MEI4: variants seen among roughly 807,000 people sequenced by gnomAD.
MEI4 encodes meiosis-specific protein MEI4.
A neutral mutation model predicts 31.4 loss-of-function variants in MEI4; 27 were observed. The observed-to-expected ratio is 0.86, with a 90% CI of 0.63 to 1.19. The LOEUF is 1.19. Among genes scored for constraint, MEI4 ranks in the 50% most tolerant of loss-of-function variants. The pLI is 0.00. For missense variants in MEI4, 329 were observed against 398.9 expected (o/e 0.82, Z 1.49); for synonymous variants, 122 against 145.4 (o/e 0.84, Z 1.16).
chr6:77,788,027 G>T (rs1460478003), intron 3 of MEI4, among the ~76,000 whole-genome samples: 2 of 152,152 alleles, frequency 1.3e-5, no homozygotes, highest in Non-Finnish European at 2.9e-5. Context: ...AAATGAGTTA[G>T]GGAGGATTCC....
intron 3 of MEI4, among the ~76,000 whole-genome samples, chr6:77,819,526 AG>A (rs945674254): frequency 2.0e-5 from 3 of 152,190 alleles, no homozygotes; most frequent in African/African-American, 7.2e-5. Flanking sequence ...TAATCTGATT[AG>A]GATGTTATAA....
At chr6:77,742,098 A>G (rs1404370406) in intron 2 of MEI4, among the ~76,000 whole-genome samples, 3 of 152,098 alleles carry the variant, frequency 2.0e-5, no homozygotes, top group African/African-American at 7.2e-5. Context: ...ATGTGTCTTT[A>G]TAGCAGCATG....
chr6:77,909,961 A>G lies in MEI4; in HGVS notation c.901-13128A>G, dbSNP rs1052526162. Among the ~76,000 whole-genome samples, 63 of 152,346 alleles carry G rather than the reference A, an allele frequency of 4.1e-4. 1 individual carries two copies. The highest frequency in any genetic ancestry group is 4.1e-4 in the South Asian group (2 of 4,828). ...AAATAGAACCAAAGACAAAAACCACATGATTATCTCAATAGATGCAGAAAA... is the reference window on the plus strand; with the variant it reads ...AAATAGAACCAAAGACAAAAACCACGTGATTATCTCAATAGATGCAGAAAA... On this transcript the variant is annotated intron_variant, in intron 4 of 4. Coordinates refer to ENST00000684080, the MANE Select transcript of MEI4 (RefSeq NM_001322247.2).
rs77212104 is a variant in MEI4, at chr6:77,856,199, G to A, written c.900+27137G>A. On this transcript the variant is annotated intron_variant, in intron 4 of 4. Coordinates refer to ENST00000684080, the MANE Select transcript of MEI4 (RefSeq NM_001322247.2). ...TGAACAAGCTCTAATGAACCGGCCCGTCTGCCTTTTCAGCCTCATCTCCCA... is the reference window on the plus strand; with the variant it reads ...TGAACAAGCTCTAATGAACCGGCCCATCTGCCTTTTCAGCCTCATCTCCCA... 9.6e-3 allele frequency among the ~76,000 whole-genome samples: 1,450 copies of A among 151,754 alleles called. 18 individuals carry two copies. The highest frequency in any genetic ancestry group is 0.033 in the African/African-American group (1,347 of 41,138).
At chr6:77,788,691 T>G (rs1478988631) in intron 3 of MEI4, among the ~76,000 whole-genome samples, 3 of 152,050 alleles carry the variant, frequency 2.0e-5, no homozygotes, top group African/African-American at 4.8e-5. Flanking sequence ...GAATCCAACT[T>G]ACAAGGTATG....
At chr6:77,915,602 C>T (rs1207526921) in intron 4 of MEI4, among the ~76,000 whole-genome samples, 2 of 151,936 alleles carry the variant, frequency 1.3e-5, no homozygotes, top group Admixed American at 6.6e-5. Context: ...ATAAGTATTA[C>T]TACATGTATC....
intron 3 of MEI4, among the ~76,000 whole-genome samples, chr6:77,766,139 A>C (rs1378683775): frequency 6.6e-6 from 1 of 152,194 alleles, no homozygotes; most frequent in Non-Finnish European, 1.5e-5. Flanking sequence ...CCAGTTGACC[A>C]ATGAGCTTAG....
chr6:77,855,637 A>C (rs1040379889), intron 4 of MEI4, among the ~76,000 whole-genome samples: 12 of 152,228 alleles, frequency 7.9e-5, no homozygotes, highest in Non-Finnish European at 1.8e-4. Flanking sequence ...AGAAAAGTCT[A>C]ACCCCTTCTG....
chr6:77,904,269 A>G (rs910787895), intron 4 of MEI4, among the ~76,000 whole-genome samples: 3 of 152,154 alleles, frequency 2.0e-5, no homozygotes, highest in African/African-American at 7.2e-5. Flanking sequence ...TTATAACAGT[A>G]TGTTTTAAGC....
intron 4 of MEI4, among the ~76,000 whole-genome samples, chr6:77,902,032 T>G (rs1456693406): frequency 1.3e-5 from 2 of 152,142 alleles, no homozygotes; most frequent in African/African-American, 4.8e-5. Context: ...TGGATTTATT[T>G]CTGGTTCACT....
intron 3 of MEI4, among the ~76,000 whole-genome samples, chr6:77,785,130 T>C (rs1036963493): frequency 2.0e-5 from 3 of 152,182 alleles, no homozygotes; most frequent in African/African-American, 4.8e-5. Context: ...TTTTCACTTA[T>C]TGGAAATCTA....
intron 3 of MEI4, among the ~76,000 whole-genome samples, chr6:77,827,064 A>G (rs532475304): frequency 7.9e-5 from 12 of 152,100 alleles, no homozygotes; most frequent in Non-Finnish European, 1.5e-4. Flanking sequence ...TATTGTGATT[A>G]AAAGAACCTA....
In MEI4 at chr6:77,847,718, G is replaced by A. The variant is rs1770522559; in HGVS notation, c.900+18656G>A. 6.6e-6 allele frequency among the ~76,000 whole-genome samples: 1 copy of A among 152,092 alleles called. No individual in the cohort carries two copies. The highest frequency in any genetic ancestry group is 2.4e-5 in the African/African-American group (1 of 41,426). ...TTTTAATGGAACCAATTATAATCCA[G>A]TGTTATTTACATGTCTGTTTTTTGT... On this transcript the variant is annotated intron_variant, in intron 4 of 4. Transcript: ENST00000684080. The surrounding 1 kb of genome is among the most constrained non-coding windows in gnomAD (Gnocchi z 4.6).
chr6:77,863,425 A>G (rs932709461), intron 4 of MEI4, among the ~76,000 whole-genome samples: 2 of 152,146 alleles, frequency 1.3e-5, no homozygotes, highest in African/African-American at 4.8e-5. Context: ...CACGGGAACT[A>G]CGTGACAAAT....
intron 4 of MEI4, among the ~76,000 whole-genome samples, chr6:77,888,894 G>T (rs1346346296): frequency 6.6e-6 from 1 of 152,106 alleles, no homozygotes; most frequent in Non-Finnish European, 1.5e-5. Flanking sequence ...ATTCTCATGA[G>T]ATCTGATGGC....
intron 4 of MEI4, among the ~76,000 whole-genome samples, chr6:77,915,499 C>T (rs1766525069): frequency 6.6e-6 from 1 of 151,986 alleles, no homozygotes; most frequent in African/African-American, 2.4e-5. Context: ...TAGAAATCCA[C>T]TGTTCATATG....
At chr6:77,875,618 G>A (rs1486953911) in intron 4 of MEI4, among the ~76,000 whole-genome samples, 1 of 152,128 alleles carries the variant, frequency 6.6e-6, no homozygotes, top group Non-Finnish European at 1.5e-5. Flanking sequence ...ATCTTGGAAA[G>A]GGATTTTTAT....
At chr6:77,817,953 T>C (rs1769726147) in intron 3 of MEI4, among the ~76,000 whole-genome samples, 1 of 152,206 alleles carries the variant, frequency 6.6e-6, no homozygotes, top group African/African-American at 2.4e-5. Flanking sequence ...TTATTTGTTT[T>C]TTTGGCAGCA....
At chr6:77,664,236 T>C (rs1768575817) in intron 1 of MEI4, among the ~76,000 whole-genome samples, 2 of 152,168 alleles carry the variant, frequency 1.3e-5, no homozygotes, top group East Asian at 3.9e-4. Flanking sequence ...TTTTATTTAA[T>C]GTTGGGAGCA....
Sources: gnomAD v4.1 joint callset for allele counts (sites outside exome capture counted in the v4.1 genomes callset) on GRCh38, gnomAD v4.1.1 for gene constraint, Gnocchi (gnomAD v3.1) non-coding constraint, MANE v1.5 for transcripts, NCBI Gene and HGNC (gene_info 2026-07-23, HGNC 2026-07-21) for gene names.